Variants in MBNL1 observed in about 807,000 individuals in gnomAD.
MBNL1 encodes muscleblind-like protein 1.
MBNL1 carries 8 observed loss-of-function variants against 42.2 expected under a neutral mutation model. The observed-to-expected ratio is 0.19, with a 90% CI of 0.11 to 0.34. The LOEUF (loss-of-function observed/expected upper bound fraction) is 0.34, where lower values mean the gene tolerates loss of function less well. Among genes scored for constraint, MBNL1 ranks in the 10% least tolerant of loss-of-function variants. The pLI, the probability that MBNL1 is intolerant of heterozygous loss-of-function variation, is 1.00. For synonymous variants in MBNL1, 169 were observed against 173.9 expected, an observed-to-expected ratio of 0.97 and a Z score of 0.22; for missense variants, 309 against 495.3, an observed-to-expected ratio of 0.62 and a Z score of 3.57.
chr3:152,399,184 T>C (rs2098114454), intron 2 of MBNL1, among the ~76,000 whole-genome samples: 1 of 152,192 alleles, frequency 6.6e-6, no homozygotes. Flanking sequence ...ATACAGTAGG[T>C]GAATAAATAT....
intron 2 of MBNL1, among the ~76,000 whole-genome samples, chr3:152,331,166 A>T (rs1006382990): frequency 6.6e-6 from 1 of 151,122 alleles, no homozygotes; most frequent in Non-Finnish European, 1.5e-5. Context: ...TTTCATACTC[A>T]CACAGACACT....
chr3:152,265,385 A>AGTGT (rs1218735494), upstream of MBNL1: 15 of 110,968 alleles, frequency 1.4e-4, no homozygotes, highest in Non-Finnish European at 1.9e-4. Flanking sequence ...TGTTTGTGTG[A>AGTGT]GAGTGTGTGT....
intron 2 of MBNL1, among the ~76,000 whole-genome samples, chr3:152,395,044 T>C (rs148106859): frequency 1.1e-4 from 16 of 152,206 alleles, no homozygotes; most frequent in African/African-American, 3.4e-4. Flanking sequence ...TGTATTTTAG[T>C]AGAGACGGGT....
At chr3:152,460,280 C>CT (rs976262088) in intron 9 of MBNL1, among the ~76,000 whole-genome samples, 6 of 151,800 alleles carry the variant, frequency 4.0e-5, no homozygotes, top group African/African-American at 1.5e-4. Context: ...GTGAGTCTGA[C>CT]TTTAAATAAA....
chr3:152,378,743 G>A (rs2097038119), intron 2 of MBNL1, among the ~76,000 whole-genome samples: 1 of 152,052 alleles, frequency 6.6e-6, no homozygotes, highest in Non-Finnish European at 1.5e-5. Flanking sequence ...TAGAGACAAG[G>A]TCTTGCCCTG....
intron 2 of MBNL1, among the ~76,000 whole-genome samples, chr3:152,363,609 C>T (rs535179828): frequency 6.6e-6 from 1 of 152,264 alleles, no homozygotes; most frequent in South Asian, 2.1e-4. Context: ...TTACCAAATG[C>T]TGAGCGTATG....
chr3:152,271,649 A>AT (rs2041989882), intron 1 of MBNL1, among the ~76,000 whole-genome samples: 1 of 152,176 alleles, frequency 6.6e-6, no homozygotes, highest in African/African-American at 2.4e-5. Context: ...TGGGTAGTAG[A>AT]TATGAGAGTC....
chr3:152,273,560 A>C (rs529871733), intron 1 of MBNL1, among the ~76,000 whole-genome samples: 25 of 152,316 alleles, frequency 1.6e-4, no homozygotes, highest in Non-Finnish European at 2.5e-4. Context: ...AGTCTTACAC[A>C]TTTGGTTCTT....
chr3:152,303,265 A>G (rs1046836810), intron 2 of MBNL1, among the ~76,000 whole-genome samples: 5 of 152,178 alleles, frequency 3.3e-5, no homozygotes, highest in African/African-American at 9.6e-5. Context: ...GTAGGTATTA[A>G]GAATGTCAGA....
At chr3:152,421,656 G>A (rs975170607) in intron 3 of MBNL1, among the ~76,000 whole-genome samples, 4 of 152,062 alleles carry the variant, frequency 2.6e-5, no homozygotes, top group Non-Finnish European at 4.4e-5. Flanking sequence ...GATTCACCAA[G>A]GTTTAAATGA....
chr3:152,450,077 G>A (rs1194297121), intron 6 of MBNL1, among the ~76,000 whole-genome samples: 1 of 146,926 alleles, frequency 6.8e-6, no homozygotes, highest in Non-Finnish European at 1.5e-5. Context: ...CTCCAGCTTG[G>A]GCAAAGGAGT....
chr3:152,452,416 C>T (rs1460358056), intron 6 of MBNL1, among the ~76,000 whole-genome samples: 2 of 152,178 alleles, frequency 1.3e-5, no homozygotes, highest in African/African-American at 2.4e-5. Flanking sequence ...TCTTTCCTGA[C>T]CTTACCTCAA....
chr3:152,286,617 TTATC>T (rs985447220), intron 1 of MBNL1, among the ~76,000 whole-genome samples: 3 of 148,548 alleles, frequency 2.0e-5, no homozygotes, highest in African/African-American at 7.4e-5. Context: ...GGTTCCTTGT[TTATC>T]TTTTTTGCAA....
At chr3:152,403,078 C>A (rs1404936211) in intron 2 of MBNL1, among the ~76,000 whole-genome samples, 1 of 152,118 alleles carries the variant, frequency 6.6e-6, no homozygotes, top group East Asian at 1.9e-4. Flanking sequence ...ACTTAATGCA[C>A]CCGAGCAGAG....
chr3:152,258,239 TG>T (rs2035723200), intron 2 of MBNL1, among the ~76,000 whole-genome samples: 2 of 152,220 alleles, frequency 1.3e-5, no homozygotes, highest in Admixed American at 1.3e-4. Context: ...TTTTAAATAA[TG>T]AAAATAGCTG....
chr3:152,406,454 G>C (rs977464799), intron 2 of MBNL1, among the ~76,000 whole-genome samples: 1 of 152,106 alleles, frequency 6.6e-6, no homozygotes, highest in Non-Finnish European at 1.5e-5. Flanking sequence ...AAAGCTGCTG[G>C]AGAAAAAAGT....
At chr3:152,402,868 T>G (rs1287537482) in intron 2 of MBNL1, among the ~76,000 whole-genome samples, 1 of 152,162 alleles carries the variant, frequency 6.6e-6, no homozygotes, top group Non-Finnish European at 1.5e-5. Flanking sequence ...TATGGGGTTT[T>G]CTTGGCCTGA....
At chr3:152,408,399 A>G (rs892387403) in intron 2 of MBNL1, among the ~76,000 whole-genome samples, 30 of 152,144 alleles carry the variant, frequency 2.0e-4, no homozygotes, top group South Asian at 2.1e-4. Context: ...GCTTTATTTT[A>G]TAGTGCTATA....
At chr3:152,304,382 T>G (rs1359238232) in intron 2 of MBNL1, among the ~76,000 whole-genome samples, 1 of 152,208 alleles carries the variant, frequency 6.6e-6, no homozygotes, top group Non-Finnish European at 1.5e-5. Flanking sequence ...TTCATCATAT[T>G]TTAAAAACCA....
Sources: allele counts gnomAD v4.1 joint callset (sites outside exome capture counted in the v4.1 genomes callset), GRCh38; gene constraint gnomAD v4.1.1; transcripts MANE v1.5; gene names NCBI Gene and HGNC (gene_info 2026-07-23, HGNC 2026-07-21).